ZSWIM5: variants seen among roughly 807,000 people sequenced by gnomAD.
ZSWIM5 encodes zinc finger SWIM domain-containing protein 5.
A neutral mutation model predicts 119.6 loss-of-function variants in ZSWIM5; 55 were observed. The ratio of observed to expected loss-of-function variants is 0.46; its 90% CI spans 0.37 to 0.58. ZSWIM5 has a LOEUF of 0.58. ZSWIM5 is among the 20% of genes least tolerant of loss of function. The probability of loss-of-function intolerance (pLI) is 0.00; values close to 1 mark genes in which losing one functional copy is unlikely to be tolerated. For missense variants in ZSWIM5, 1,193 were observed against 1,512.8 expected (o/e 0.79, Z 3.51); for synonymous variants, 537 against 606.9 (o/e 0.88, Z 1.69).
intron 1 of ZSWIM5, among the ~76,000 whole-genome samples, chr1:45,181,431 A>C (rs572682091): frequency 2.0e-5 from 3 of 152,272 alleles, no homozygotes; most frequent in Admixed American, 6.5e-5. Flanking sequence ...ATATGGGACT[A>C]TGTGAAAAGA....
intron 1 of ZSWIM5, among the ~76,000 whole-genome samples, chr1:45,101,207 C>T (rs1188054956): frequency 2.0e-5 from 3 of 151,912 alleles, no homozygotes; most frequent in East Asian, 3.9e-4. Flanking sequence ...AGAAAAAAAA[C>T]GACCCCATCA....
intron 1 of ZSWIM5, among the ~76,000 whole-genome samples, chr1:45,197,137 C>A (rs981170345): frequency 6.6e-6 from 1 of 152,214 alleles, no homozygotes; most frequent in Non-Finnish European, 1.5e-5. Context: ...CATACATGAA[C>A]CTGTTTGGGA....
chr1:45,133,239 A>G (rs1431752073), intron 1 of ZSWIM5, among the ~76,000 whole-genome samples: 2 of 152,150 alleles, frequency 1.3e-5, no homozygotes, highest in African/African-American at 4.8e-5. Context: ...AACAGTGGAA[A>G]AGTGTTCCTG....
At chr1:45,101,247 T>C (rs1645438057) in intron 1 of ZSWIM5, among the ~76,000 whole-genome samples, 1 of 152,134 alleles carries the variant, frequency 6.6e-6, no homozygotes, top group African/African-American at 2.4e-5. Context: ...GCACAGACAC[T>C]TCTCAAAAGG....
At chr1:45,203,101 T>C (rs1195116276) in intron 1 of ZSWIM5, among the ~76,000 whole-genome samples, 1 of 152,016 alleles carries the variant, frequency 6.6e-6, no homozygotes, top group Non-Finnish European at 1.5e-5. Flanking sequence ...ATTTGCAATT[T>C]TCCCCTTTTA....
At chr1:45,083,401 C>A (rs968039916) in intron 2 of ZSWIM5, among the ~76,000 whole-genome samples, 29 of 152,094 alleles carry the variant, frequency 1.9e-4, no homozygotes, top group African/African-American at 6.8e-4. Flanking sequence ...CAAGCGCACA[C>A]TACCATGCCT....
rs1646188941 is a variant in ZSWIM5, at chr1:45,206,140, T to G, written c.211A>C (p.Lys71Gln). 2 of 1,610,618 alleles carry G rather than the reference T, an allele frequency of 1.2e-6. No homozygotes were observed. The highest frequency in any genetic ancestry group is 1.7e-6 in the Non-Finnish European group (2 of 1,179,100). ...QPDSLLDCAA[K>Q]TVAEKWAYER... ...TATGCCCACTTTTCCGCCACCGTCT[T>G]GGCGGCGCAGTCCAGTAAGGAATCC... The change falls in exon 1 of 14, where the codon AAG becomes CAG. Residue 71 changes from lysine (K) to glutamine (Q), a missense_variant. This residue lies in a region of ZSWIM5 where 232 missense variants were observed against 222.9 expected (regional missense o/e 1.04). Coordinates refer to ENST00000359600, the MANE Select transcript of ZSWIM5 (RefSeq NM_020883.2).
chr1:45,037,108 CTTT>C (rs57405864), intron 8 of ZSWIM5, among the ~76,000 whole-genome samples: 77 of 90,566 alleles, frequency 8.5e-4, no homozygotes, highest in East Asian at 3.1e-3. Context: ...GCCCCACCTC[CTTT>C]TTTTTTTTTT....
At chr1:45,148,959 C>A (rs191640313) in intron 1 of ZSWIM5, among the ~76,000 whole-genome samples, 44 of 152,280 alleles carry the variant, frequency 2.9e-4, no homozygotes, top group African/African-American at 9.6e-4. Context: ...AACAACAAAA[C>A]TCTTCAAAAT....
At chr1:45,080,897 G>T (rs1645285878) in intron 2 of ZSWIM5, among the ~76,000 whole-genome samples, 2 of 152,160 alleles carry the variant, frequency 1.3e-5, no homozygotes. Flanking sequence ...ACCTAAAAAA[G>T]TCAAGGCAAT....
chr1:45,084,522 A>G (rs1293448123), intron 2 of ZSWIM5, among the ~76,000 whole-genome samples: 1 of 152,240 alleles, frequency 6.6e-6, no homozygotes, highest in Non-Finnish European at 1.5e-5. Context: ...GAGACAAGGC[A>G]AGTCTCTTCC....
chr1:45,036,946 A>T (rs1418563957), intron 8 of ZSWIM5, among the ~76,000 whole-genome samples: 1 of 151,884 alleles, frequency 6.6e-6, no homozygotes, highest in African/African-American at 2.4e-5. Flanking sequence ...CTACAGGCAC[A>T]TGCCACCATG....
intron 1 of ZSWIM5, among the ~76,000 whole-genome samples, chr1:45,172,664 G>A (rs531363791): frequency 6.1e-4 from 93 of 151,978 alleles, no homozygotes; most frequent in African/African-American, 2.2e-3. Flanking sequence ...TGAACTCTTT[G>A]GGGAAAAATA....
intron 11 of ZSWIM5, among the ~76,000 whole-genome samples, chr1:45,030,567 A>G (rs1467706104): frequency 6.6e-6 from 1 of 151,988 alleles, no homozygotes; most frequent in East Asian, 1.9e-4. Flanking sequence ...TTTATTCTTA[A>G]GTGAGCTCTG....
intron 1 of ZSWIM5, among the ~76,000 whole-genome samples, chr1:45,144,430 G>A (rs1049402136): frequency 6.6e-6 from 1 of 152,058 alleles, no homozygotes; most frequent in East Asian, 1.9e-4. Flanking sequence ...AGCTCCTTGG[G>A]AGGTTGAGAC....
intron 11 of ZSWIM5, among the ~76,000 whole-genome samples, chr1:45,021,239 G>A (rs1350907238): frequency 6.6e-6 from 1 of 152,194 alleles, no homozygotes; most frequent in African/African-American, 2.4e-5. Flanking sequence ...GTTTCACCGT[G>A]TTAGCCAGGA....
chr1:45,182,187 C>T (rs550650660), intron 1 of ZSWIM5, among the ~76,000 whole-genome samples: 87 of 152,140 alleles, frequency 5.7e-4, no homozygotes, highest in African/African-American at 2.0e-3. Flanking sequence ...GAGGCCGAGG[C>T]GGGCGGATCA....
intron 1 of ZSWIM5, among the ~76,000 whole-genome samples, chr1:45,162,129 A>AAG (rs1645867325): frequency 6.6e-6 from 1 of 152,252 alleles, no homozygotes; most frequent in South Asian, 2.1e-4. Context: ...TGTTATTAAA[A>AAG]AGATTTTATG....
intron 7 of ZSWIM5, among the ~76,000 whole-genome samples, chr1:45,039,942 G>A (rs766897175): frequency 2.0e-5 from 3 of 151,758 alleles, no homozygotes; most frequent in Admixed American, 6.6e-5. Context: ...CCGACCTCAG[G>A]TGATTGCCTG....
Sources: allele counts gnomAD v4.1 joint callset (sites outside exome capture counted in the v4.1 genomes callset), GRCh38; gene constraint gnomAD v4.1.1; regional missense constraint gnomAD v4.1.1; transcripts MANE v1.5; gene names NCBI Gene and HGNC (gene_info 2026-07-23, HGNC 2026-07-21).